Variants in CDKAL1 observed in about 807,000 individuals in gnomAD.
The protein encoded by CDKAL1 is threonylcarbamoyladenosine tRNA methylthiotransferase.
Under a neutral mutation model 68.2 loss-of-function variants are expected in CDKAL1, and 32 were observed. The observed-to-expected ratio is 0.47, with a 90% confidence interval of 0.35 to 0.63. CDKAL1 has a LOEUF of 0.63. CDKAL1 is among the 30% of genes least tolerant of loss of function. The pLI is 0.00. For synonymous variants in CDKAL1, 234 were observed against 244.3 expected (o/e 0.96, Z 0.39); for missense variants, 606 against 696.7 (o/e 0.87, Z 1.47).
At chr6:20,704,112 A>G (rs1771494036) in intron 5 of CDKAL1, among the ~76,000 whole-genome samples, 1 of 152,220 alleles carries the variant, frequency 6.6e-6, no homozygotes, top group South Asian at 2.1e-4. Context: ...GAATAAAACA[A>G]AATACTTAAT....
At chr6:20,566,687 G>A (rs1025795507) in intron 4 of CDKAL1, among the ~76,000 whole-genome samples, 7 of 151,924 alleles carry the variant, frequency 4.6e-5, no homozygotes, top group Non-Finnish European at 7.4e-5. Flanking sequence ...ATGAAAACTA[G>A]ACATCACTGG....
intron 4 of CDKAL1, among the ~76,000 whole-genome samples, chr6:20,589,139 T>G (rs6930283): frequency 0.27 from 40,358 of 152,094 alleles, 5,634 homozygotes; most frequent in Middle Eastern, 0.37. Flanking sequence ...TTATTTGCCT[T>G]TTGTTATCAG....
At chr6:20,544,973 G>A (rs1763539627) in intron 2 of CDKAL1, among the ~76,000 whole-genome samples, 1 of 151,676 alleles carries the variant, frequency 6.6e-6, no homozygotes, top group South Asian at 2.1e-4. Flanking sequence ...TTTTGTGTGT[G>A]TGTGTGTGTG....
At chr6:20,761,745 T>C (rs187060277) in intron 7 of CDKAL1, among the ~76,000 whole-genome samples, 4 of 152,188 alleles carry the variant, frequency 2.6e-5, no homozygotes, top group Admixed American at 2.0e-4. Context: ...AACGGATCAG[T>C]TGGTGTCAGT....
At chr6:20,742,452 A>T (rs1057482525) in intron 6 of CDKAL1, among the ~76,000 whole-genome samples, 1 of 151,942 alleles carries the variant, frequency 6.6e-6, no homozygotes, top group Non-Finnish European at 1.5e-5. Context: ...AATTTTGCTT[A>T]TCTTCTTCAG....
At position 20,770,915 on chromosome 6, in the gene CDKAL1, C is replaced by A. The variant is rs138396644; in HGVS notation, c.518-10230C>A. 1.2e-4 allele frequency among the ~76,000 whole-genome samples: 19 copies of A among 152,238 alleles called. 1 individual carries two copies. The East Asian group carries it at 3.5e-3, about 28-fold the overall frequency. ...ACTTCAGTGTCACCTCTCCCTGAAG[C>A]CTTTCCTGATTTTCCCTGGGAGAGT... On this transcript the variant is annotated intron_variant, in intron 7 of 15. Transcript: ENST00000274695.
chr6:20,991,706 C>CAAAAAAAAAAAAAAAAAAA (rs35504365), intron 10 of CDKAL1, among the ~76,000 whole-genome samples: 1 of 59,620 alleles, frequency 1.7e-5, no homozygotes, highest in African/African-American at 6.6e-5. Flanking sequence ...TATTCCCTCT[C>CAAAAAAAAAAAAAAAAAAA]AAAAAAAAAA....
At chr6:21,130,554 T>C (rs939212401) in intron 13 of CDKAL1, among the ~76,000 whole-genome samples, 1 of 152,176 alleles carries the variant, frequency 6.6e-6, no homozygotes, top group East Asian at 1.9e-4. Context: ...AACCCCTGAT[T>C]TGCTCAATTA....
In CDKAL1 at chr6:21,232,176, T is replaced by G. The variant is rs1294260379; in HGVS notation, c.*1137T>G. On this transcript the variant is annotated 3_prime_UTR_variant, in exon 16 of 16. Coordinates refer to ENST00000274695, the MANE Select transcript of CDKAL1 (RefSeq NM_017774.3). The stretch of plus-strand genomic sequence containing the variant: ...GCATATACCACCATGCCCAACTAAT[T>G]TTTTAATTTTTTGTAGAGATGAGTG... 7 of 152,106 alleles carry G rather than the reference T, an allele frequency of 4.6e-5. No homozygotes were observed. Among genetic ancestry groups the G allele is most frequent in the Admixed American group, 3.9e-4 (6 of 15,274 alleles). 9.4% of individuals were successfully genotyped at this position (152,106 alleles called of 1,614,324 possible). A position where few individuals can be genotyped will look rare whatever the true frequency, so the allele number is the denominator to read the frequency against.
At chr6:21,120,933 A>T (rs891035333) in intron 13 of CDKAL1, among the ~76,000 whole-genome samples, 1 of 152,184 alleles carries the variant, frequency 6.6e-6, no homozygotes, top group Non-Finnish European at 1.5e-5. Flanking sequence ...CAAACATGTC[A>T]TCTTATCAAT....
intron 8 of CDKAL1, among the ~76,000 whole-genome samples, chr6:20,814,461 G>T (rs143368419): frequency 6.6e-6 from 1 of 152,276 alleles, no homozygotes; most frequent in African/African-American, 2.4e-5. Flanking sequence ...TGTAATTTTA[G>T]TAGAGATGGA....
chr6:20,677,027 C>A (rs892899318), intron 5 of CDKAL1, among the ~76,000 whole-genome samples: 1 of 151,962 alleles, frequency 6.6e-6, no homozygotes, highest in Non-Finnish European at 1.5e-5. Flanking sequence ...AAAATAATTT[C>A]TTCTGTTTTT....
In CDKAL1 at chr6:20,665,421, A is replaced by T. The variant is rs960142799; in HGVS notation, c.371+16044A>T. 3.9e-5 allele frequency among the ~76,000 whole-genome samples: 6 copies of T among 152,270 alleles called. No individual in the cohort carries two copies. In the East Asian group the frequency reaches 9.6e-4, roughly 24 times the overall value. ...TAGAAGACCTAATCAAATGGCCTGTATACAGAATTACAGTGACAGTGAGAG... is the reference window on the plus strand; with the variant it reads ...TAGAAGACCTAATCAAATGGCCTGTTTACAGAATTACAGTGACAGTGAGAG... On this transcript the variant is annotated intron_variant, in intron 5 of 15. Coordinates refer to ENST00000274695, the MANE Select transcript of CDKAL1 (RefSeq NM_017774.3).
intron 8 of CDKAL1, among the ~76,000 whole-genome samples, chr6:20,829,913 G>T (rs1297764595): frequency 6.6e-6 from 1 of 152,200 alleles, no homozygotes; most frequent in South Asian, 2.1e-4. Flanking sequence ...CTCACTTGCA[G>T]TGGCACAATT....
rs200525930 is a variant in CDKAL1 at position 20,875,678 on chromosome 6, T to TA, written c.742+29500_742+29501insA. Among the ~76,000 whole-genome samples, 1,015 of 149,102 alleles carry TA rather than the reference T, an allele frequency of 6.8e-3. 6 individuals carry two copies. Among genetic ancestry groups the TA allele is most frequent in the Non-Finnish European group, 0.01 (699 of 67,354 alleles). On this transcript the variant is annotated intron_variant, in intron 9 of 15. Coordinates refer to ENST00000274695, the MANE Select transcript of CDKAL1 (RefSeq NM_017774.3). Reference sequence around the variant, plus strand: ...TCTCTGTCTCTATTACCTTCACTAATGAAAAAAAATAGGGTCTGTAAAGCT... The same window carrying TA: ...TCTCTGTCTCTATTACCTTCACTAATAGAAAAAAAATAGGGTCTGTAAAGCT...
At chr6:20,887,604 T>C (rs1302015752) in intron 9 of CDKAL1, among the ~76,000 whole-genome samples, 1 of 148,052 alleles carries the variant, frequency 6.8e-6, no homozygotes, top group Non-Finnish European at 1.5e-5. Context: ...TCTCTGGAAA[T>C]AATCTGTGGT....
At chr6:20,588,090 C>T (rs1057211094) in intron 4 of CDKAL1, among the ~76,000 whole-genome samples, 1 of 152,124 alleles carries the variant, frequency 6.6e-6, no homozygotes, top group African/African-American at 2.4e-5. Context: ...GAGCAAGACC[C>T]TGCCTCAAAA....
chr6:20,843,281 G>A lies in CDKAL1; in HGVS notation c.639-2794G>A, dbSNP rs1778247034. On this transcript the variant is annotated intron_variant, in intron 8 of 15. Transcript: ENST00000274695. ...ATTTTACATGTATCAATTCATTTATGTTATAAATTTTAAAATATGTTTCTT... is the reference window on the plus strand; with the variant it reads ...ATTTTACATGTATCAATTCATTTATATTATAAATTTTAAAATATGTTTCTT... 2.0e-5 allele frequency among the ~76,000 whole-genome samples: 3 copies of A among 151,140 alleles called. 1 individual carries two copies. In the South Asian group the frequency reaches 6.3e-4, roughly 32 times the overall value.
intron 15 of CDKAL1, among the ~76,000 whole-genome samples, chr6:21,221,529 A>C (rs1004777861): frequency 6.6e-6 from 1 of 152,106 alleles, no homozygotes; most frequent in Admixed American, 6.5e-5. Flanking sequence ...TGCCCAGCCA[A>C]TTTCAAGATT....
Sources: allele counts gnomAD v4.1 joint callset (sites outside exome capture counted in the v4.1 genomes callset), GRCh38; gene constraint gnomAD v4.1.1; transcripts MANE v1.5; gene names NCBI Gene and HGNC (gene_info 2026-07-23, HGNC 2026-07-21).